SPATA1: variants seen among roughly 807,000 people sequenced by gnomAD.
The protein encoded by SPATA1 is spermatogenesis-associated protein 1.
Under a neutral mutation model 59.6 loss-of-function variants are expected in SPATA1, and 57 were observed. The ratio of observed to expected loss-of-function variants is 0.96; its 90% CI spans 0.77 to 1.19. The LOEUF (loss-of-function observed/expected upper bound fraction) is 1.19. Among genes scored for constraint, SPATA1 ranks in the 50% most tolerant of loss-of-function variants. The probability of loss-of-function intolerance (pLI) is 0.00; values close to 1 mark genes in which losing one functional copy is unlikely to be tolerated. For synonymous variants in SPATA1, 147 were observed against 163.9 expected (o/e 0.90, Z 0.79); for missense variants, 448 against 480.7 (o/e 0.93, Z 0.64).
intron 8 of SPATA1, among the ~76,000 whole-genome samples, chr1:84,543,801 C>A (rs1017386689): frequency 6.6e-6 from 1 of 151,878 alleles, no homozygotes; most frequent in Non-Finnish European, 1.5e-5. Context: ...AAATTATCTG[C>A]TAAAATTTTG....
intron 12 of SPATA1, chr1:84,552,145 G>A (rs1684293030): frequency 6.6e-6 from 1 of 152,074 alleles, no homozygotes; most frequent in Non-Finnish European, 1.5e-5. Context: ...ATTTCTGAAT[G>A]ATCTCCCCAA....
chr1:84,563,693 A>G (rs41284597), intron 4 of SPATA1: 1 of 1,209,094 alleles, frequency 8.3e-7, no homozygotes, highest in Non-Finnish European at 1.2e-6. Context: ...TCTAAAAAAT[A>G]TAATAGATAA....
intron 1 of SPATA1, among the ~76,000 whole-genome samples, chr1:84,509,566 C>A (rs1682445350): frequency 6.6e-6 from 1 of 151,560 alleles, no homozygotes; most frequent in African/African-American, 2.4e-5. Context: ...GAGTTTCAGG[C>A]CAGCCTGGCC....
At chr1:84,511,816 G>A (rs1471974554) in intron 1 of SPATA1, among the ~76,000 whole-genome samples, 1 of 151,642 alleles carries the variant, frequency 6.6e-6, no homozygotes, top group African/African-American at 2.4e-5. Context: ...CCAGTAGCTA[G>A]GATTATAGGC....
At chr1:84,545,563 CT>C (rs1287916570) in intron 9 of SPATA1, 70 bp from the exon 10 acceptor site, 2 of 1,432,644 alleles carry the variant, frequency 1.4e-6, no homozygotes, top group Non-Finnish European at 1.8e-6. Context: ...AAGTTTTACA[CT>C]CCATATTTTA....
rs1243480306 is a variant in SPATA1 at position 84,516,970 on chromosome 1, C to T, written c.36+575C>T. 2.6e-5 allele frequency among the ~76,000 whole-genome samples: 4 copies of T among 152,210 alleles called. No homozygotes were observed. In the South Asian group the frequency reaches 8.3e-4, roughly 32 times the overall value. ...CTTTCACTCTTCTAAACAAGTATGTCATACCATCTCAGACCCCCAATACCT... is the reference window on the plus strand; with the variant it reads ...CTTTCACTCTTCTAAACAAGTATGTTATACCATCTCAGACCCCCAATACCT... On this transcript the variant is annotated intron_variant, in intron 2 of 12. Coordinates refer to ENST00000490879, the Ensembl canonical transcript of SPATA1.
chr1:84,557,584 G>A (rs144426602), downstream of SPATA1, among the ~76,000 whole-genome samples: 650 of 149,496 alleles, frequency 4.3e-3, 4 homozygotes, highest in African/African-American at 0.015. Context: ...GGCTGGGCGC[G>A]GTGGCTCACA....
At chr1:84,565,011 C>G (rs1298843642) in intron 4 of SPATA1, among the ~76,000 whole-genome samples, 1 of 151,990 alleles carries the variant, frequency 6.6e-6, no homozygotes, top group Admixed American at 6.6e-5. Flanking sequence ...TGCACTCCAG[C>G]CTGGGCAACA....
chr1:84,524,600 A>T (rs1356915177), intron 4 of SPATA1, among the ~76,000 whole-genome samples: 1 of 152,170 alleles, frequency 6.6e-6, no homozygotes, highest in Admixed American at 6.5e-5. Flanking sequence ...CAGCTAAAAA[A>T]ATCTTCCTTT....
intron 4 of SPATA1, among the ~76,000 whole-genome samples, chr1:84,564,308 T>C (rs1684648537): frequency 6.6e-6 from 1 of 152,198 alleles, no homozygotes; most frequent in African/African-American, 2.4e-5. Context: ...GTGTCATCTA[T>C]AGTGGGAGGA....
intron 1 of SPATA1, among the ~76,000 whole-genome samples, chr1:84,511,463 G>A (rs1179872477): frequency 3.9e-5 from 6 of 152,136 alleles, no homozygotes; most frequent in Middle Eastern, 3.4e-3. Context: ...ACACTAGGAC[G>A]TGTCTAGAAA....
intron 11 of SPATA1, chr1:84,549,769 T>C (rs1239826006): frequency 6.6e-6 from 1 of 152,062 alleles, no homozygotes; most frequent in Non-Finnish European, 1.5e-5. Context: ...AAAGTAAGGA[T>C]TTAACTTTAG....
At chr1:84,563,806 T>C (rs148638389) in intron 4 of SPATA1, 1 of 1,608,310 alleles carries the variant, frequency 6.2e-7, no homozygotes, top group Non-Finnish European at 8.5e-7. Context: ...TTAGGATTAA[T>C]GCTCATCTTG....
intron 6 of SPATA1, among the ~76,000 whole-genome samples, chr1:84,529,452 C>T (rs528118634): frequency 1.8e-4 from 28 of 151,892 alleles, no homozygotes; most frequent in African/African-American, 6.3e-4. Flanking sequence ...TAATCAATTA[C>T]TGTGTTCTTA....
In SPATA1 at chr1:84,548,780, T is replaced by C. The variant is rs928630731; in HGVS notation, c.947-6T>C. 1.2e-5 allele frequency: 12 copies of C among 962,370 alleles called. No homozygotes were observed. The highest frequency in any genetic ancestry group is 1.4e-5 in the Non-Finnish European group (11 of 781,858). 59.6% of individuals were successfully genotyped at this position (962,370 alleles called of 1,614,324 possible). A position where few individuals can be genotyped will look rare whatever the true frequency, so the allele number is the denominator to read the frequency against. ...TTTTTTTTTTTTTTTTTTTTTTTTTTTATAGCCTACAATGGTTGGAAGAAA... is the reference window on the plus strand; with the variant it reads ...TTTTTTTTTTTTTTTTTTTTTTTTTCTATAGCCTACAATGGTTGGAAGAAA... On this transcript the variant is annotated splice_polypyrimidine_tract_variant and splice_region_variant and intron_variant, in intron 10 of 12. Transcript: ENST00000490879.
downstream of SPATA1, among the ~76,000 whole-genome samples, chr1:84,558,284 G>T (rs113789855): frequency 0.062 from 9,227 of 149,506 alleles, 456 homozygotes; most frequent in African/African-American, 0.13. Flanking sequence ...ATTTTTGCCT[G>T]CCATTAAACT....
chr1:84,527,542 A>T (rs1413256601), intron 6 of SPATA1: 1 of 152,010 alleles, frequency 6.6e-6, no homozygotes, highest in African/African-American at 2.4e-5. Context: ...TTTAGTTCTT[A>T]TATATAAAAT....
chr1:84,563,939 AT>A, intron 4 of SPATA1: 1 of 1,265,120 alleles, frequency 7.9e-7, no homozygotes, highest in Non-Finnish European at 1.0e-6. Context: ...AAGTACATTT[AT>A]AAAAAACACT....
intron 1 of SPATA1, among the ~76,000 whole-genome samples, chr1:84,510,970 C>T (rs1682513213): frequency 6.6e-6 from 1 of 152,048 alleles, no homozygotes; most frequent in African/African-American, 2.4e-5. Flanking sequence ...AACAGTTGAA[C>T]TCATGGAGAT....
Sources: gnomAD v4.1 joint callset for allele counts (sites outside exome capture counted in the v4.1 genomes callset) on GRCh38, gnomAD v4.1.1 for gene constraint, MANE v1.5 for transcripts, NCBI Gene and HGNC (gene_info 2026-07-23, HGNC 2026-07-21) for gene names.